Variants in IQCH observed in about 807,000 individuals in gnomAD.
The protein encoded by IQCH is IQ motif containing H.
In IQCH, 98 loss-of-function variants were observed where a neutral mutation model predicts 117.0. The observed-to-expected ratio is 0.84, with a 90% CI of 0.71 to 0.99. IQCH has a LOEUF of 0.99. Among genes scored for constraint, IQCH ranks in the 50% least tolerant of loss-of-function variants. IQCH has a pLI of 0.00. For synonymous variants in IQCH, 412 were observed against 448.2 expected (o/e 0.92, Z 1.02); for missense variants, 1,102 against 1,243.8 (o/e 0.89, Z 1.72).
chr15:67,305,932 A>G (rs1254424538), intron 4 of IQCH, among the ~76,000 whole-genome samples: 1 of 152,104 alleles, frequency 6.6e-6, no homozygotes, highest in Admixed American at 6.6e-5. Context: ...AGCAAAGAGA[A>G]TTTGGGAAAG....
intron 4 of IQCH, among the ~76,000 whole-genome samples, chr15:67,282,764 C>T (rs566115208): frequency 6.6e-6 from 1 of 152,222 alleles, no homozygotes; most frequent in Admixed American, 6.5e-5. Context: ...ACCAGGTAAA[C>T]CCCAGTCACT....
In IQCH at chr15:67,395,540, T is replaced by C. The variant is rs1436500868; in HGVS notation, c.1882T>C (p.Tyr628His). Residue 628 changes from tyrosine (Y) to histidine (H), a missense_variant, in exon 13 of 21, where the codon TAT becomes CAT. Physicochemically the swap from Tyr to His is moderately conservative, Grantham distance 83. This residue lies in a region of IQCH where 650 missense variants were observed against 794.3 expected (regional missense o/e 0.82). Coordinates refer to ENST00000335894, the MANE Select transcript of IQCH (RefSeq NM_001031715.3). The surrounding 1 kb of genome is among the most constrained non-coding windows in gnomAD (Gnocchi z 4.0). ...CAATGTGGCAGTTCCTCCTGGAATA[T>C]ATGATATTTATAGTCAGCAACAGGT... ...SANVAVPPGI[Y>H]DIYSQQQMIE... 2.5e-6 allele frequency: 4 copies of C among 1,613,954 alleles called. No homozygotes were observed. The South Asian group carries it at 3.3e-5, about 13-fold the overall frequency.
chr15:67,321,715 G>A (rs573351621), intron 4 of IQCH, among the ~76,000 whole-genome samples: 1 of 152,106 alleles, frequency 6.6e-6, no homozygotes, highest in Admixed American at 6.5e-5. Flanking sequence ...GAAGCCAAAT[G>A]GCTACACTGT....
rs897663993 is a variant in IQCH, at chr15:67,476,776, G to T, written c.2799+958G>T. Among the ~76,000 whole-genome samples the T allele has an allele frequency of 6.6e-6, 1 of 152,034 alleles. No individual in the cohort carries two copies. The highest frequency in any genetic ancestry group is 1.5e-5 in the Non-Finnish European group (1 of 68,002). ...ATTCAGATTTTCAAGTCTCTCACAC[G>T]CAGGGCCATTCTAAGACCCTGAGTA... On this transcript the variant is annotated intron_variant, in intron 18 of 20. Transcript: ENST00000335894. This position sits in a 1 kb window ranked among gnomAD's most constrained non-coding sequence, Gnocchi z 4.1.
chr15:67,362,861 A>G (rs1970193832), intron 8 of IQCH, among the ~76,000 whole-genome samples: 1 of 152,258 alleles, frequency 6.6e-6, no homozygotes, highest in Non-Finnish European at 1.5e-5. Flanking sequence ...CAAAACCACT[A>G]GATGATATCT....
chr15:67,358,175 T>TC (rs1555462656), intron 7 of IQCH, among the ~76,000 whole-genome samples: 1,288 of 76,224 alleles, frequency 0.017, 45 homozygotes, highest in African/African-American at 0.058. Context: ...TTTTTTTTTT[T>TC]CTTTTTTAAC....
At position 67,475,784 on chromosome 15, in the gene IQCH, T is replaced by A. The variant is rs760609797; in HGVS notation, c.2765T>A (p.Ile922Asn). 7 of 1,614,028 alleles carry A rather than the reference T, an allele frequency of 4.3e-6. No homozygotes were observed. The African/African-American group carries it at 9.3e-5, about 22-fold the overall frequency. Residue 922 changes from isoleucine to asparagine, a missense_variant, in exon 18 of 21, where the codon ATC becomes AAC. Ile to Asn is a moderately radical substitution (Grantham distance 149). Around this residue, in one of 2 missense-constraint regions of IQCH, gnomAD observed 650 missense variants for 794.3 expected, o/e 0.82. Transcript: ENST00000335894. The surrounding 1 kb of genome is among the most constrained non-coding windows in gnomAD (Gnocchi z 5.7). ...GTTTTCCACTATGTTTTTCTCCAGA[T>A]CTGTAGGGCCCATGGCATTGGCTAT... ...SLVFHYVFLQICRAHGIGYDV... is the reference protein window; with the variant it reads ...SLVFHYVFLQNCRAHGIGYDV...
intron 4 of IQCH, among the ~76,000 whole-genome samples, chr15:67,293,585 T>C (rs1033654242): frequency 4.6e-5 from 7 of 150,960 alleles, no homozygotes; most frequent in African/African-American, 1.7e-4. Context: ...TTGGTACAGA[T>C]ACATTTTTTA....
chr15:67,306,864 T>A, intron 4 of IQCH: 4 of 1,532,322 alleles, frequency 2.6e-6, no homozygotes, highest in Non-Finnish European at 3.5e-6. Context: ...AAGAAATCCC[T>A]GGTACTGTTC....
At chr15:67,396,111 A>G (rs189488674) in intron 13 of IQCH, among the ~76,000 whole-genome samples, 1 of 152,222 alleles carries the variant, frequency 6.6e-6, no homozygotes, top group Non-Finnish European at 1.5e-5. Context: ...TCTGCTATCA[A>G]TATTTAATGC....
chr15:67,495,051 G>A (rs185256120), intron 20 of IQCH, among the ~76,000 whole-genome samples: 54 of 152,330 alleles, frequency 3.5e-4, no homozygotes, highest in Admixed American at 9.1e-4. Context: ...GTATTGAACA[G>A]CAAGGTATGA....
chr15:67,344,591 A>G (rs933620010), intron 6 of IQCH, among the ~76,000 whole-genome samples: 1 of 152,228 alleles, frequency 6.6e-6, no homozygotes, highest in Non-Finnish European at 1.5e-5. Context: ...TTTGAATGGA[A>G]TGACTTGAAT....
At chr15:67,282,483 G>T (rs533573076) in intron 4 of IQCH, among the ~76,000 whole-genome samples, 62 of 152,190 alleles carry the variant, frequency 4.1e-4, no homozygotes, top group African/African-American at 1.5e-3. Context: ...TTAAAAAGTG[G>T]CATGGACTAT....
chr15:67,501,287 C>G lies in IQCH; in HGVS notation c.*541C>G, dbSNP rs1345069054. The G allele has an allele frequency of 6.6e-6, 1 of 151,828 alleles. No homozygotes were observed. The highest frequency in any genetic ancestry group is 2.4e-5 in the African/African-American group (1 of 41,344). The allele number at this position is 151,828 out of a possible 1,614,324, so 9.4% of individuals were successfully genotyped here. A position where few individuals can be genotyped will look rare whatever the true frequency, so the allele number is the denominator to read the frequency against. On this transcript the variant is annotated 3_prime_UTR_variant, in exon 21 of 21. Coordinates refer to ENST00000335894, the MANE Select transcript of IQCH (RefSeq NM_001031715.3). This position sits in a 1 kb window ranked among gnomAD's most constrained non-coding sequence, Gnocchi z 5.2. The stretch of plus-strand genomic sequence containing the variant: ...ATCATTCATCGTGTTTTTGTTATAC[C>G]AAGCCACTATTGTCTGCTATTGTTG...
In IQCH at chr15:67,475,958, C is replaced by T. The variant is rs2083191695; in HGVS notation, c.2799+140C>T. ...GTCTGTAGAGGAAGGCTGATTGCTG[C>T]TTGGGGAAGAGCAGATACGCAACTC... On this transcript the variant is annotated intron_variant, in intron 18 of 20. Coordinates refer to ENST00000335894, the MANE Select transcript of IQCH (RefSeq NM_001031715.3). This position sits in a 1 kb window ranked among gnomAD's most constrained non-coding sequence, Gnocchi z 5.7. The T allele has an allele frequency of 2.8e-6, 2 of 719,882 alleles. No individual in the cohort carries two copies. The highest frequency in any genetic ancestry group is 4.6e-6 in the Non-Finnish European group (2 of 437,770). The allele number at this position is 719,882 out of a possible 1,614,324, so 44.6% of individuals were successfully genotyped here.
rs1046369678 is a variant in IQCH at position 67,495,199 on chromosome 15, C to T, written c.2970+833C>T. 2.6e-5 allele frequency among the ~76,000 whole-genome samples: 4 copies of T among 152,250 alleles called. No homozygotes were observed. The East Asian group carries it at 7.7e-4, about 29-fold the overall frequency. Reference sequence around the variant, plus strand: ...ATTACATTTTTGATTCAAGCTAGGGCCTAACTCCTTTAGTAACAGTAACAA... The same window carrying T: ...ATTACATTTTTGATTCAAGCTAGGGTCTAACTCCTTTAGTAACAGTAACAA... On this transcript the variant is annotated intron_variant, in intron 20 of 20. Coordinates refer to ENST00000335894, the MANE Select transcript of IQCH (RefSeq NM_001031715.3).
In IQCH at chr15:67,477,338, C is replaced by T. The variant is rs150974266; in HGVS notation, c.2799+1520C>T. On this transcript the variant is annotated intron_variant, in intron 18 of 20. Coordinates refer to ENST00000335894, the MANE Select transcript of IQCH (RefSeq NM_001031715.3). Reference sequence around the variant, plus strand: ...TTGGGATTACAGGCATGAGCCACCGCGCCCAGCCCCAAATTTTATACGTTC... The same window carrying T: ...TTGGGATTACAGGCATGAGCCACCGTGCCCAGCCCCAAATTTTATACGTTC... Among the ~76,000 whole-genome samples the T allele has an allele frequency of 6.9e-4, 105 of 152,146 alleles. 1 individual carries two copies. Among genetic ancestry groups the T allele is most frequent in the Middle Eastern group, 6.8e-3 (2 of 294 alleles).
chr15:67,285,784 G>A (rs1187396814), intron 4 of IQCH, among the ~76,000 whole-genome samples: 1 of 151,918 alleles, frequency 6.6e-6, no homozygotes, highest in Non-Finnish European at 1.5e-5. Flanking sequence ...TTATTTCTGG[G>A]TTCTCTATTC....
intron 4 of IQCH, chr15:67,306,949 CTT>C: frequency 7.1e-7 from 1 of 1,399,834 alleles, no homozygotes; most frequent in Non-Finnish European, 9.3e-7. Context: ...GAAAATTTGA[CTT>C]TGATTTATTC....
Sources: allele counts gnomAD v4.1 joint callset (sites outside exome capture counted in the v4.1 genomes callset), GRCh38; gene constraint gnomAD v4.1.1; regional missense constraint gnomAD v4.1.1; non-coding constraint Gnocchi (gnomAD v3.1); transcripts MANE v1.5; gene names NCBI Gene and HGNC (gene_info 2026-07-23, HGNC 2026-07-21).